EFCAB7: variants seen among roughly 807,000 people sequenced by gnomAD.
EFCAB7 encodes the protein EF-hand calcium-binding domain-containing protein 7.
EFCAB7 carries 66 observed loss-of-function variants against 77.1 expected under a neutral mutation model. That is an observed-to-expected ratio of 0.86 (90% confidence interval 0.70 to 1.05). The LOEUF is 1.05. EFCAB7 is among the 50% of genes least tolerant of loss of function. EFCAB7 has a pLI of 0.00. For missense variants in EFCAB7, 638 were observed against 730.5 expected (o/e 0.87, Z 1.46); for synonymous variants, 225 against 243.3 (o/e 0.92, Z 0.70).
At chr1:63,528,868 G>C (rs1026790744) in intron 2 of EFCAB7, among the ~76,000 whole-genome samples, 4 of 151,950 alleles carry the variant, frequency 2.6e-5, no homozygotes, top group Admixed American at 2.0e-4. Context: ...TTGATTCTTT[G>C]AACATTGTTT....
intron 6 of EFCAB7, among the ~76,000 whole-genome samples, chr1:63,545,123 T>C (rs1344911203): frequency 6.6e-6 from 1 of 151,890 alleles, no homozygotes. Flanking sequence ...TTCACCATGT[T>C]GGCCAGCCTG....
chr1:63,531,129 C>T lies in EFCAB7; in HGVS notation c.188-691C>T, dbSNP rs536219521. On this transcript the variant is annotated intron_variant, in intron 2 of 13. Coordinates refer to ENST00000371088, the MANE Select transcript of EFCAB7 (RefSeq NM_032437.4). ...CCACTATCTGATTGTAACTTTGTAC[C>T]CATTGACCAACCTCTCCCCATCCTC... Among the ~76,000 whole-genome samples, 9 of 152,032 alleles carry T rather than the reference C, an allele frequency of 5.9e-5. No homozygotes were observed. The East Asian group carries it at 1.7e-3, about 29-fold the overall frequency.
At chr1:63,568,827 G>A (rs1557690606) in intron 12 of EFCAB7, 1 of 198,884 alleles carries the variant, frequency 5.0e-6, no homozygotes, top group Non-Finnish European at 1.0e-5. Context: ...AAGTTTTTAT[G>A]TATACATAGC....
In EFCAB7 at chr1:63,568,314, G is replaced by A; in HGVS notation, c.1502G>A (p.Cys501Tyr). Reference sequence around the variant, plus strand: ...AAGATTTTTTTTTCCTATCAGGCATGTCCATTTGTCATTGATATCTATGCA... The same window carrying A: ...AAGATTTTTTTTTCCTATCAGGCATATCCATTTGTCATTGATATCTATGCA... ...YNKALELTEACPFVIDIYAEK... is the reference protein window; with the variant it reads ...YNKALELTEAYPFVIDIYAEK... Residue 501 changes from cysteine (C) to tyrosine (Y), a missense_variant, in exon 12 of 14, where the codon TGT becomes TAT. Transcript: ENST00000371088. The A allele has an allele frequency of 1.2e-6, 2 of 1,600,026 alleles. No individual in the cohort carries two copies. Among genetic ancestry groups the A allele is most frequent in the Non-Finnish European group, 1.7e-6 (2 of 1,175,282 alleles).
intron 11 of EFCAB7, among the ~76,000 whole-genome samples, chr1:63,565,369 A>AAAT (rs1647158464): frequency 7.1e-6 from 1 of 141,230 alleles, no homozygotes; most frequent in Non-Finnish European, 1.6e-5. Flanking sequence ...AAAAAAAAAA[A>AAAT]CAACAACAAC....
rs1408316215 is a variant in EFCAB7, at chr1:63,534,147, T to C, written c.735T>C (p.Val245=). 1 of 1,613,458 alleles carries C rather than the reference T, an allele frequency of 6.2e-7. No homozygotes were observed. Among genetic ancestry groups the C allele is most frequent in the Non-Finnish European group, 8.5e-7 (1 of 1,179,588 alleles). Residue 245 remains valine, a synonymous_variant, in exon 6 of 14, where the codon GTT becomes GTC. Coordinates refer to ENST00000371088, the MANE Select transcript of EFCAB7 (RefSeq NM_032437.4). ...CAACCAGGAAGTTCAAAACATCTGT[T>C]TCCTTCACAGTTACCATGGGGGCTA... ...LSATRKFKTS[V]SFTVTMGANG... is the part of the protein sequence containing the mutation.
chr1:63,545,966 T>C lies in EFCAB7; in HGVS notation c.855T>C (p.Gly285=). 6.2e-7 allele frequency: 1 copy of C among 1,613,880 alleles called. No homozygotes were observed. Among genetic ancestry groups the C allele is most frequent in the African/African-American group, 1.3e-5 (1 of 75,042 alleles). Reference sequence around the variant, plus strand: ...GTTGCTTCTTCTTAGAAGAAGATGGTGAAATCATTAGTCATCAGTACAGGA... The same window carrying C: ...GTTGCTTCTTCTTAGAAGAAGATGGCGAAATCATTAGTCATCAGTACAGGA... ...SKGCFFLEED[G]EIISHQYRMQ... Residue 285 remains glycine, a synonymous_variant, in exon 7 of 14, where the codon GGT becomes GGC. Coordinates refer to ENST00000371088, the MANE Select transcript of EFCAB7 (RefSeq NM_032437.4).
At chr1:63,576,055 T>G (rs1382858874), downstream of EFCAB7, among the ~76,000 whole-genome samples, 3 of 152,158 alleles carry the variant, frequency 2.0e-5, no homozygotes, top group Non-Finnish European at 4.4e-5. Context: ...TAGCTTAATT[T>G]CTGGGGGAAA....
At chr1:63,555,547 A>C in intron 9 of EFCAB7, 32 bp downstream of exon 9, 1 of 1,588,848 alleles carries the variant, frequency 6.3e-7, no homozygotes, top group Non-Finnish European at 8.6e-7. Context: ...TAGAATTATA[A>C]CATCTAGACT....
chr1:63,560,793 A>T (rs1647089896), intron 10 of EFCAB7, among the ~76,000 whole-genome samples: 2 of 152,188 alleles, frequency 1.3e-5, no homozygotes, highest in Non-Finnish European at 2.9e-5. Context: ...AAGTGCTGGG[A>T]TTACAGGCGT....
intron 2 of EFCAB7, chr1:63,529,667 T>G (rs1422911002): frequency 2.0e-5 from 3 of 151,480 alleles, no homozygotes; most frequent in Non-Finnish European, 2.9e-5. Flanking sequence ...GAGCCGAGAT[T>G]ACACCATTGC....
intron 6 of EFCAB7, among the ~76,000 whole-genome samples, chr1:63,544,524 T>C (rs1275178092): frequency 6.6e-6 from 1 of 152,180 alleles, no homozygotes; most frequent in African/African-American, 2.4e-5. Flanking sequence ...GCAATTCTCC[T>C]GCCTCAGCCT....
intron 6 of EFCAB7, among the ~76,000 whole-genome samples, chr1:63,538,024 C>T (rs1367102041): frequency 6.6e-6 from 1 of 151,984 alleles, no homozygotes; most frequent in African/African-American, 2.4e-5. Flanking sequence ...TGGTTTTGTA[C>T]TTTTCAGCAT....
chr1:63,540,664 T>C (rs1557675838), intron 6 of EFCAB7, among the ~76,000 whole-genome samples: 1 of 152,166 alleles, frequency 6.6e-6, no homozygotes, highest in Non-Finnish European at 1.5e-5. Context: ...AAATATTATA[T>C]ATAATGACTT....
At chr1:63,556,528 A>C (rs1647032340) in intron 9 of EFCAB7, among the ~76,000 whole-genome samples, 1 of 152,188 alleles carries the variant, frequency 6.6e-6, no homozygotes, top group Non-Finnish European at 1.5e-5. Flanking sequence ...AGAAGAAAGT[A>C]GATTGGAGAA....
At chr1:63,580,110 G>A in the EFCAB7 span, among the ~76,000 whole-genome samples, 3 of 152,102 alleles carry the variant, frequency 2.0e-5, no homozygotes, top group African/African-American at 7.2e-5. Flanking sequence ...AATGGATTAT[G>A]CATTTGGTGT....
intron 6 of EFCAB7, among the ~76,000 whole-genome samples, chr1:63,545,628 G>A (rs752192098): frequency 7.9e-5 from 12 of 152,018 alleles, no homozygotes; most frequent in South Asian, 2.1e-4. Flanking sequence ...CACCACGCCC[G>A]GCTAATTTTG....
downstream of EFCAB7, among the ~76,000 whole-genome samples, chr1:63,577,188 A>G (rs1224162522): frequency 6.6e-6 from 1 of 152,080 alleles, no homozygotes; most frequent in Non-Finnish European, 1.5e-5. Flanking sequence ...TTCTAAAAAT[A>G]TATATGAATA....
At chr1:63,566,962 CTTCT>C (rs1647179791) in intron 11 of EFCAB7, among the ~76,000 whole-genome samples, 1 of 151,078 alleles carries the variant, frequency 6.6e-6, no homozygotes, top group Non-Finnish European at 1.5e-5. Context: ...TAACTTCAGA[CTTCT>C]TTCTTTTATT....
Sources: gnomAD v4.1 joint callset for allele counts (sites outside exome capture counted in the v4.1 genomes callset) on GRCh38, gnomAD v4.1.1 for gene constraint, MANE v1.5 for transcripts, NCBI Gene and HGNC (gene_info 2026-07-23, HGNC 2026-07-21) for gene names.